The following ITSN1 variants were observed in gnomAD, a reference collection of about 807,000 sequenced individuals.
ITSN1 encodes the protein intersectin-1.
A neutral mutation model predicts 239.8 loss-of-function variants in ITSN1; 58 were observed. The observed-to-expected ratio is 0.24, with a 90% confidence interval of 0.20 to 0.30. The LOEUF is 0.30. Among genes scored for constraint, ITSN1 ranks in the 10% least tolerant of loss-of-function variants. ITSN1 has a pLI of 1.00. For missense variants in ITSN1, 1,558 were observed against 2,103.3 expected (o/e 0.74, Z 5.07); for synonymous variants, 780 against 770.8 (o/e 1.01, Z -0.20).
intron 14 of ITSN1, among the ~76,000 whole-genome samples, chr21:33,775,533 T>C (rs2069533463): frequency 6.6e-6 from 1 of 152,178 alleles, no homozygotes. Flanking sequence ...AGACAGGTCT[T>C]TCTGGATGGT....
At chr21:33,722,694 A>G in intron 4 of ITSN1, 43 bp downstream of exon 4, 1 of 1,509,762 alleles carries the variant, frequency 6.6e-7, no homozygotes, top group Non-Finnish European at 8.9e-7. Flanking sequence ...AGCATAAGGC[A>G]AAATAAAATA....
chr21:33,732,703 AT>A (rs1266730621), intron 4 of ITSN1, among the ~76,000 whole-genome samples: 1 of 152,210 alleles, frequency 6.6e-6, no homozygotes, highest in Non-Finnish European at 1.5e-5. Flanking sequence ...GTTTTAAAAC[AT>A]TAATAAGAAC....
At chr21:33,767,560 A>C (rs538385720) in intron 10 of ITSN1, among the ~76,000 whole-genome samples, 153 bp from the exon 11 acceptor site, 1 of 152,350 alleles carries the variant, frequency 6.6e-6, no homozygotes, top group East Asian at 1.9e-4. Flanking sequence ...ACTCTTTGTA[A>C]ATAGAGAAGA....
In ITSN1 at chr21:33,888,225, G is replaced by A. The variant is rs1243401443; in HGVS notation, c.5091G>A (p.Lys1697=). The part of the protein sequence containing the change: ...KDQGSKGPVT[K]CLLLHEVPTG... ...AGGGCTCCAAAGGTCCAGTTACGAA[G>A]TGTCTTCTGCTGCACGAAGTCCCCA... The change falls in exon 40 of 40, where the codon AAG becomes AAA. Residue 1697 remains lysine, a synonymous_variant. Transcript: ENST00000381318. The A allele has an allele frequency of 6.2e-7, 1 of 1,614,164 alleles. No homozygotes were observed. Among genetic ancestry groups the A allele is most frequent in the South Asian group, 1.1e-5 (1 of 91,076 alleles).
chr21:33,653,745 A>T (rs1435212720), intron 1 of ITSN1, among the ~76,000 whole-genome samples: 4 of 151,930 alleles, frequency 2.6e-5, no homozygotes. Context: ...GATGGCCTCG[A>T]TCTCCTGACC....
chr21:33,689,605 G>T (rs910467460), intron 1 of ITSN1, among the ~76,000 whole-genome samples: 3 of 152,218 alleles, frequency 2.0e-5, no homozygotes, highest in Non-Finnish European at 4.4e-5. Flanking sequence ...GCACTCAGGA[G>T]TTCGAGGCTA....
In ITSN1 at chr21:33,802,344, G is replaced by T. The variant is rs756236840; in HGVS notation, c.2305-86G>T. 6.7e-6 allele frequency: 9 copies of T among 1,343,194 alleles called. No individual in the cohort carries two copies. The South Asian group carries it at 8.6e-5, about 13-fold the overall frequency. 83.2% of individuals were successfully genotyped at this position (1,343,194 alleles called of 1,614,324 possible). A position where few individuals can be genotyped will look rare whatever the true frequency, so the allele number is the denominator to read the frequency against. Reference sequence around the variant, plus strand: ...GTTAACCACCAGCTTGATGAGATGCGTAGAGTTTAGATATGCTGTAAGAAT... The same window carrying T: ...GTTAACCACCAGCTTGATGAGATGCTTAGAGTTTAGATATGCTGTAAGAAT... On this transcript the variant is annotated intron_variant, in intron 19 of 39. Transcript: ENST00000381318.
intron 29 of ITSN1, among the ~76,000 whole-genome samples, chr21:33,840,679 G>A (rs376465703): frequency 6.6e-6 from 1 of 151,818 alleles, no homozygotes; most frequent in Non-Finnish European, 1.5e-5. Context: ...TGTATTTTTA[G>A]TAGAGATGGG....
At chr21:33,730,022 T>C (rs1351181968) in intron 4 of ITSN1, among the ~76,000 whole-genome samples, 2 of 152,222 alleles carry the variant, frequency 1.3e-5, no homozygotes, top group African/African-American at 4.8e-5. Flanking sequence ...TTACTTGGAC[T>C]AGGCTTTTTT....
Position 33,797,300 on chromosome 21 carries a change from GC to G in ITSN1, c.1953-78del. ...GTTCCCATCCCATTTACTGGATGGA[GC>G]TTTTTTTGTGAAAAGAGGCAACAGT... On this transcript the variant is annotated intron_variant, in intron 17 of 39. Coordinates refer to ENST00000381318, the MANE Select transcript of ITSN1 (RefSeq NM_003024.3). The surrounding 1 kb of genome is among the most constrained non-coding windows in gnomAD (Gnocchi z 4.9). The G allele has an allele frequency of 8.1e-7, 1 of 1,233,798 alleles. No homozygotes were observed. Among genetic ancestry groups the G allele is most frequent in the Non-Finnish European group, 1.2e-6 (1 of 850,068 alleles). 76.4% of individuals were successfully genotyped at this position (1,233,798 alleles called of 1,614,324 possible). A position where few individuals can be genotyped will look rare whatever the true frequency, so the allele number is the denominator to read the frequency against.
Position 33,823,509 on chromosome 21 carries a change from C to A in ITSN1, c.3039C>A (p.Tyr1013Ter). 2 of 1,613,906 alleles carry A rather than the reference C, an allele frequency of 1.2e-6. No homozygotes were observed. Among genetic ancestry groups the A allele is most frequent in the Non-Finnish European group, 8.5e-7 (1 of 1,179,858 alleles). The change falls in exon 25 of 40, where the codon TAC becomes TAA. Residue 1013 changes from tyrosine to a stop codon, truncating the protein, a stop_gained. Transcript: ENST00000381318. LOFTEE classifies it high-confidence loss of function. ...SGEEFIAMYTYESSEQGDLTF... is the reference protein window; with the variant it reads ...SGEEFIAMYT ...CAGAATTTATTGCCATGTACACTTA[C>A]GAGAGTTCTGAGCAAGGAGATTTAA...
At chr21:33,817,430 CTG>C in intron 22 of ITSN1, 1 of 1,304,448 alleles carries the variant, frequency 7.7e-7, no homozygotes, top group Non-Finnish European at 1.0e-6. Context: ...GCTGCCCCCT[CTG>C]TGAAATTTAC....
At chr21:33,651,692 A>G (rs980239240) in intron 1 of ITSN1, among the ~76,000 whole-genome samples, 5 of 152,222 alleles carry the variant, frequency 3.3e-5, no homozygotes, top group African/African-American at 1.2e-4. Context: ...TCTTAAATGT[A>G]TGGGAATGAA....
At chr21:33,707,116 G>GA (rs1363339749) in intron 1 of ITSN1, among the ~76,000 whole-genome samples, 1 of 152,144 alleles carries the variant, frequency 6.6e-6, no homozygotes, top group African/African-American at 2.4e-5. Context: ...TCTCTTGGGG[G>GA]AGAGATGTGA....
intron 7 of ITSN1, among the ~76,000 whole-genome samples, chr21:33,753,903 A>C (rs2067738862): frequency 6.6e-6 from 1 of 152,004 alleles, no homozygotes; most frequent in Admixed American, 6.6e-5. Context: ...AGTGAACATT[A>C]GTGCTATTGA....
At chr21:33,750,719 A>G (rs2067495820) in intron 6 of ITSN1, among the ~76,000 whole-genome samples, 1 of 152,280 alleles carries the variant, frequency 6.6e-6, no homozygotes, top group South Asian at 2.1e-4. Context: ...CCCTAGGAAT[A>G]GAACTATGTT....
At chr21:33,863,886 G>C (rs916247477) in intron 31 of ITSN1, among the ~76,000 whole-genome samples, 1 of 152,174 alleles carries the variant, frequency 6.6e-6, no homozygotes, top group African/African-American at 2.4e-5. Context: ...CCATCCTGAG[G>C]ACACCAAGCT....
intron 4 of ITSN1, among the ~76,000 whole-genome samples, chr21:33,726,957 T>C (rs919717239): frequency 6.6e-6 from 1 of 152,252 alleles, no homozygotes; most frequent in African/African-American, 2.4e-5. Flanking sequence ...GAAACCTTTA[T>C]TATGTTTTAT....
chr21:33,707,652 ACTT>A (rs1440350587), intron 1 of ITSN1, among the ~76,000 whole-genome samples: 2 of 152,176 alleles, frequency 1.3e-5, no homozygotes, highest in African/African-American at 4.8e-5. Context: ...ATAGATATAT[ACTT>A]CTTTTTTAAT....
Sources: allele counts gnomAD v4.1 joint callset (sites outside exome capture counted in the v4.1 genomes callset), GRCh38; gene constraint gnomAD v4.1.1; non-coding constraint Gnocchi (gnomAD v3.1); transcripts MANE v1.5; gene names NCBI Gene and HGNC (gene_info 2026-07-23, HGNC 2026-07-21).